The following EHMT1 variants were observed in gnomAD, a reference collection of about 807,000 sequenced individuals.
The protein encoded by EHMT1 is euchromatic histone lysine methyltransferase 1.
A neutral mutation model predicts 147.2 loss-of-function variants in EHMT1; 15 were observed. The observed-to-expected ratio is 0.10, with a 90% CI of 0.07 to 0.16. The LOEUF is 0.16. Among genes scored for constraint, EHMT1 ranks in the 10% least tolerant of loss-of-function variants. The pLI is 1.00. For synonymous variants in EHMT1, 795 were observed against 709.6 expected, an observed-to-expected ratio of 1.12 and a Z score of -1.91; for missense variants, 1,587 against 1,772.4, an observed-to-expected ratio of 0.90 and a Z score of 1.88.
In EHMT1 at chr9:137,799,431, G is replaced by A. The variant is rs555644438; in HGVS notation, c.2607+517G>A. On this transcript the variant is annotated intron_variant, in intron 17 of 26. Transcript: ENST00000460843. ...GTCTCTGCCCCACAGCCAGCGCCAC[G>A]GGGCAGGGTTTGCCATGCATGTGTG... is the stretch of plus-strand genomic sequence containing the variant. Among the ~76,000 whole-genome samples the A allele has an allele frequency of 3.9e-5, 6 of 152,274 alleles. No homozygotes were observed. In the East Asian group the frequency reaches 1.2e-3, roughly 29 times the overall value.
At chr9:137,793,701 C>T (rs6559227) in intron 16 of EHMT1, among the ~76,000 whole-genome samples, 7,436 of 152,258 alleles carry the variant, frequency 0.049, 605 homozygotes, top group African/African-American at 0.17. Flanking sequence ...TGGGATGTTA[C>T]TCAGCCATAA....
chr9:137,791,640 C>T (rs938499975), intron 16 of EHMT1, among the ~76,000 whole-genome samples: 2 of 152,160 alleles, frequency 1.3e-5, no homozygotes, highest in Non-Finnish European at 2.9e-5. Flanking sequence ...AGAAAGACAT[C>T]CCATGTTCAC....
At chr9:137,633,916 C>T (rs1188454503) in intron 1 of EHMT1, among the ~76,000 whole-genome samples, 1 of 151,514 alleles carries the variant, frequency 6.6e-6, no homozygotes, top group Non-Finnish European at 1.5e-5. Context: ...CGGGTTCAAG[C>T]GATTCCCCTG....
intron 2 of EHMT1, among the ~76,000 whole-genome samples, chr9:137,712,107 G>A (rs1588297371): frequency 6.6e-6 from 1 of 152,166 alleles, no homozygotes; most frequent in African/African-American, 2.4e-5. Flanking sequence ...AGCCTGACTG[G>A]GTGTTTTCTT....
intron 25 of EHMT1, among the ~76,000 whole-genome samples, chr9:137,823,739 G>A (rs1207429444): frequency 2.6e-5 from 4 of 152,136 alleles, no homozygotes; most frequent in South Asian, 2.1e-4. Flanking sequence ...TATATTTTTA[G>A]TAGAGACGAG....
chr9:137,625,918 C>T (rs894352613), intron 1 of EHMT1, among the ~76,000 whole-genome samples: 5 of 150,810 alleles, frequency 3.3e-5, no homozygotes, highest in Admixed American at 6.6e-5. Context: ...TGCAGTGGGG[C>T]GATCTCGGCT....
intron 1 of EHMT1, among the ~76,000 whole-genome samples, chr9:137,664,342 AGTGCAGTGGT>A: frequency 6.8e-6 from 1 of 146,604 alleles, no homozygotes; most frequent in East Asian, 2.0e-4. Flanking sequence ...CTCAGGCTGG[AGTGCAGTGGT>A]GTGATCTCTG....
At chr9:137,703,432 G>A (rs904047743) in intron 1 of EHMT1, among the ~76,000 whole-genome samples, 10 of 151,964 alleles carry the variant, frequency 6.6e-5, no homozygotes, top group African/African-American at 1.9e-4. Context: ...TACTCTCTTC[G>A]TGCACGCATG....
intron 1 of EHMT1, among the ~76,000 whole-genome samples, chr9:137,646,052 G>A (rs554287990): frequency 5.2e-4 from 79 of 152,006 alleles, no homozygotes; most frequent in African/African-American, 1.9e-3. Flanking sequence ...TCTGTCTCCC[G>A]GATTCAAGCA....
intron 1 of EHMT1, among the ~76,000 whole-genome samples, chr9:137,683,934 C>A (rs1382621955): frequency 1.3e-5 from 2 of 151,988 alleles, no homozygotes; most frequent in Admixed American, 1.3e-4. Flanking sequence ...AGATCTTTGC[C>A]TTTAATTTTT....
chr9:137,720,205 A>T lies in EHMT1; in HGVS notation c.642+3023A>T, dbSNP rs1210850384. ...CACCAGGGCACAGTCGAGATATGGAACCCCCCACACCAGGGTCCCTGACGT... is the reference window on the plus strand; with the variant it reads ...CACCAGGGCACAGTCGAGATATGGATCCCCCCACACCAGGGTCCCTGACGT... On this transcript the variant is annotated intron_variant, in intron 3 of 26. Coordinates refer to ENST00000460843, the MANE Select transcript of EHMT1 (RefSeq NM_024757.5). Among the ~76,000 whole-genome samples the T allele has an allele frequency of 6.7e-5, 10 of 150,016 alleles. No homozygotes were observed. The East Asian group carries it at 2.0e-3, about 30-fold the overall frequency.
At chr9:137,648,708 C>T (rs1589113134) in intron 1 of EHMT1, among the ~76,000 whole-genome samples, 1 of 152,102 alleles carries the variant, frequency 6.6e-6, no homozygotes, top group East Asian at 1.9e-4. Context: ...TGTTAGTTCT[C>T]CCAAGTTAAT....
In EHMT1 at chr9:137,813,763, G is replaced by A. The variant is rs1008109305; in HGVS notation, c.3180+233G>A. On this transcript the variant is annotated intron_variant, in intron 21 of 26. Transcript: ENST00000460843. The surrounding 1 kb of genome is among the most constrained non-coding windows in gnomAD (Gnocchi z 4.9). ...CATTGCTCTTCCAAGGCTTCTTACCGACCCAAAGCAGTGGCAGGCATCTTT... is the reference window on the plus strand; with the variant it reads ...CATTGCTCTTCCAAGGCTTCTTACCAACCCAAAGCAGTGGCAGGCATCTTT... 1.3e-5 allele frequency among the ~76,000 whole-genome samples: 2 copies of A among 152,164 alleles called. No individual in the cohort carries two copies. Among genetic ancestry groups the A allele is most frequent in the Non-Finnish European group, 2.9e-5 (2 of 68,020 alleles).
intron 9 of EHMT1, among the ~76,000 whole-genome samples, chr9:137,760,762 C>G (rs775382036): frequency 6.6e-6 from 1 of 152,222 alleles, no homozygotes; most frequent in Admixed American, 6.5e-5. Flanking sequence ...GTAATCCCAG[C>G]ACTTTGGGAG....
chr9:137,695,612 G>A (rs1943338860), intron 1 of EHMT1, among the ~76,000 whole-genome samples: 1 of 152,232 alleles, frequency 6.6e-6, no homozygotes, highest in Non-Finnish European at 1.5e-5. Context: ...TGTGGGCTGC[G>A]TCCTTCCACA....
At chr9:137,778,479 G>A (rs1031573637) in intron 13 of EHMT1, among the ~76,000 whole-genome samples, 3 of 152,136 alleles carry the variant, frequency 2.0e-5, no homozygotes, top group African/African-American at 7.2e-5. Context: ...ACCCCTCCTC[G>A]TCCTCCTCTC....
At chr9:137,723,284 A>T (rs113051402) in intron 3 of EHMT1, among the ~76,000 whole-genome samples, 1 of 78,290 alleles carries the variant, frequency 1.3e-5, no homozygotes, top group Admixed American at 1.4e-4. Context: ...TCTGGGCCTG[A>T]GCCCGGGGTG....
Position 137,726,434 on chromosome 9 carries a change from CAG to C in EHMT1, c.643-1914_643-1913del, listed in dbSNP as rs567890171. On this transcript the variant is annotated intron_variant, in intron 3 of 26. Coordinates refer to ENST00000460843, the MANE Select transcript of EHMT1 (RefSeq NM_024757.5). ...GTGTCCCCGAGGCTCATCCACGCTG[CAG>C]CGCGGGCCCCAGCTTCGCTGCTTCT... Among the ~76,000 whole-genome samples, 119 of 152,340 alleles carry C rather than the reference CAG, an allele frequency of 7.8e-4. 1 individual carries two copies. Among genetic ancestry groups the C allele is most frequent in the Non-Finnish European group, 1.4e-3 (93 of 68,032 alleles).
Position 137,791,247 on chromosome 9 carries a change from C to T in EHMT1, c.2505+277C>T, listed in dbSNP as rs7018515. On this transcript the variant is annotated intron_variant, in intron 16 of 26. Coordinates refer to ENST00000460843, the MANE Select transcript of EHMT1 (RefSeq NM_024757.5). ...TTCGCCTTACAGTACATCGTCTCAC[C>T]CTGTCTTCAGCCCAGAGCAATTAGG... is the stretch of plus-strand genomic sequence containing the variant. 0.34 allele frequency among the ~76,000 whole-genome samples: 51,621 copies of T among 151,966 alleles called. 9,092 individuals are homozygous for T. Among genetic ancestry groups the T allele is most frequent in the Admixed American group, 0.44 (6,649 of 15,262 alleles).
Sources: gnomAD v4.1 joint callset for allele counts (sites outside exome capture counted in the v4.1 genomes callset) on GRCh38, gnomAD v4.1.1 for gene constraint, Gnocchi (gnomAD v3.1) non-coding constraint, MANE v1.5 for transcripts, NCBI Gene and HGNC (gene_info 2026-07-23, HGNC 2026-07-21) for gene names.